Variants in TMEM79 observed in about 807,000 individuals in gnomAD.
TMEM79 encodes the protein mattrin.
In TMEM79, 30 loss-of-function variants were observed where a neutral mutation model predicts 31.2. That is an observed-to-expected ratio of 0.96 (90% confidence interval 0.72 to 1.30). TMEM79 has a LOEUF of 1.30. Among genes scored for constraint, TMEM79 ranks in the 50% most tolerant of loss-of-function variants. The pLI, the probability that TMEM79 is intolerant of heterozygous loss-of-function variation, is 0.00. For missense variants in TMEM79, 509 were observed against 528.2 expected, an observed-to-expected ratio of 0.96 and a Z score of 0.36; for synonymous variants, 213 against 229.5, an observed-to-expected ratio of 0.93 and a Z score of 0.65.
At chr1:156,288,479 T>G (rs1663230716) in intron 3 of TMEM79, among the ~76,000 whole-genome samples, 1 of 151,848 alleles carries the variant, frequency 6.6e-6, no homozygotes, top group African/African-American at 2.4e-5. Context: ...AGATTACAGG[T>G]GTGAGCCACC....
At position 156,285,579 on chromosome 1, in the gene TMEM79, C is replaced by A; in HGVS notation, c.353C>A (p.Ala118Asp). The change falls in exon 2 of 4, where the codon GCC (alanine) becomes GAC (aspartate). Residue 118 changes from alanine (A) to aspartate (D), a missense_variant. Transcript: ENST00000405535. ...TKLEELPEDD[A>D]NLLPEKAARA... Reference sequence around the variant, plus strand: ...CTAGAGGAGCTGCCCGAAGACGATGCCAACCTGCTGCCTGAGAAAGCGGCC... The same window carrying A: ...CTAGAGGAGCTGCCCGAAGACGATGACAACCTGCTGCCTGAGAAAGCGGCC... 1.2e-6 allele frequency: 2 copies of A among 1,614,244 alleles called. No homozygotes were observed. Among genetic ancestry groups the A allele is most frequent in the Non-Finnish European group, 1.7e-6 (2 of 1,180,050 alleles).
chr1:156,289,637 AC>A (rs1388598382), intron 3 of TMEM79, among the ~76,000 whole-genome samples: 3 of 152,190 alleles, frequency 2.0e-5, no homozygotes, highest in South Asian at 2.1e-4. Context: ...CAACAAAAAA[AC>A]AATCTGGTAC....
chr1:156,284,566 C>T (rs529370841), intron 1 of TMEM79, among the ~76,000 whole-genome samples, 160 bp downstream of exon 1: 1 of 152,244 alleles, frequency 6.6e-6, no homozygotes, highest in South Asian at 2.1e-4. Context: ...ACCTAAATAT[C>T]AGAATAGCAG....
chr1:156,291,606 C>T lies in TMEM79; in HGVS notation c.*8C>T, dbSNP rs758888119. 7 of 1,610,334 alleles carry T rather than the reference C, an allele frequency of 4.3e-6. No individual in the cohort carries two copies. The highest frequency in any genetic ancestry group is 4.0e-5 in the African/African-American group (3 of 74,994). On this transcript the variant is annotated 3_prime_UTR_variant, in exon 4 of 4. Transcript: ENST00000405535. Reference sequence around the variant, plus strand: ...CCCCGCCCCTGGGGCTGAGCCTCTCCGCCCTCGCCCTCGGAGTAGGGGGTA... The same window carrying T: ...CCCCGCCCCTGGGGCTGAGCCTCTCTGCCCTCGCCCTCGGAGTAGGGGGTA...
chr1:156,288,723 C>A (rs1663237030), intron 3 of TMEM79, among the ~76,000 whole-genome samples: 1 of 152,202 alleles, frequency 6.6e-6, no homozygotes, highest in Non-Finnish European at 1.5e-5. Flanking sequence ...GTCTTCCTGT[C>A]ACTTCTGATT....
chr1:156,284,031 T>C (rs1465189310), upstream of TMEM79, among the ~76,000 whole-genome samples: 3 of 152,216 alleles, frequency 2.0e-5, no homozygotes, highest in Admixed American at 6.5e-5. Context: ...GTGTACAAAT[T>C]CCATTTCTGG....
chr1:156,291,527 A>T lies in TMEM79; in HGVS notation c.1114A>T (p.Thr372Ser). 1 of 1,610,320 alleles carries T rather than the reference A, an allele frequency of 6.2e-7. No homozygotes were observed. The highest frequency in any genetic ancestry group is 1.6e-4 in the Middle Eastern group (1 of 6,062). ...VVEPERMLTA[T>S]ESRLDYPDHA... ...GGAGCCGGAGCGCATGCTCACTGCC[A>T]CCGAGAGCCGCCTGGACTACCCGGA... The change falls in exon 4 of 4, where the codon ACC becomes TCC. Residue 372 changes from threonine to serine, a missense_variant. By Grantham distance (58) the Thr-to-Ser change is moderately conservative (BLOSUM62 1). Transcript: ENST00000405535.
intron 3 of TMEM79, among the ~76,000 whole-genome samples, chr1:156,288,699 T>C (rs902900011): frequency 3.9e-5 from 6 of 152,206 alleles, no homozygotes; most frequent in Non-Finnish European, 8.8e-5. Context: ...ATTCTTCCTA[T>C]TGAGCTAAAA....
At chr1:156,289,134 C>T (rs894338580) in intron 3 of TMEM79, among the ~76,000 whole-genome samples, 4 of 152,096 alleles carry the variant, frequency 2.6e-5, no homozygotes, top group African/African-American at 7.2e-5. Context: ...AAAATGAGGT[C>T]GTTATGAGGA....
rs1431804172 is a variant in TMEM79, at chr1:156,285,458, T to C, written c.232T>C (p.Trp78Arg). The change falls in exon 2 of 4, where the codon TGG (tryptophan) becomes CGG (arginine). Residue 78 changes from tryptophan to arginine, a missense_variant. Coordinates refer to ENST00000405535, the MANE Select transcript of TMEM79 (RefSeq NM_032323.3). ...STVSEAATLP[W>R]GTGPQPSAPF... Reference sequence around the variant, plus strand: ...AGTAAGTGAGGCTGCCACCTTGCCCTGGGGGACTGGCCCTCAGCCCAGTGC... The same window carrying C: ...AGTAAGTGAGGCTGCCACCTTGCCCCGGGGGACTGGCCCTCAGCCCAGTGC... The C allele has an allele frequency of 5.0e-6, 8 of 1,613,880 alleles. No homozygotes were observed. The highest frequency in any genetic ancestry group is 2.2e-5 in the South Asian group (2 of 91,078).
rs1304097253 is a variant in TMEM79, at chr1:156,292,124, G to A, written c.*526G>A. 1 of 187,640 alleles carries A rather than the reference G, an allele frequency of 5.3e-6. No individual in the cohort carries two copies. The highest frequency in any genetic ancestry group is 2.3e-5 in the African/African-American group (1 of 42,834). 11.6% of individuals were successfully genotyped at this position (187,640 alleles called of 1,614,324 possible). ...TGTGGTGTTTGGTGAAAACCTTCCTGAGGATCTGGATTCAGGACCCTCCAT... is the reference window on the plus strand; with the variant it reads ...TGTGGTGTTTGGTGAAAACCTTCCTAAGGATCTGGATTCAGGACCCTCCAT... On this transcript the variant is annotated 3_prime_UTR_variant, in exon 4 of 4. Transcript: ENST00000405535.
chr1:156,287,719 C>T (rs1245905846), intron 3 of TMEM79, among the ~76,000 whole-genome samples: 1 of 150,204 alleles, frequency 6.7e-6, no homozygotes, highest in African/African-American at 2.5e-5. Context: ...TGGGTTCAAG[C>T]GATTCTCCTG....
In TMEM79 at chr1:156,285,608, G is replaced by A. The variant is rs747262051; in HGVS notation, c.382G>A (p.Ala128Thr). 1 of 1,614,218 alleles carries A rather than the reference G, an allele frequency of 6.2e-7. No homozygotes were observed. Among genetic ancestry groups the A allele is most frequent in the Non-Finnish European group, 8.5e-7 (1 of 1,180,040 alleles). Residue 128 changes from alanine to threonine, a missense_variant, in exon 2 of 4, where the codon GCC becomes ACC. Physicochemically the swap from Ala to Thr is moderately conservative, Grantham distance 58. Coordinates refer to ENST00000405535, the MANE Select transcript of TMEM79 (RefSeq NM_032323.3). The stretch of plus-strand genomic sequence containing the variant: ...CCTGCTGCCTGAGAAAGCGGCCCGT[G>A]CCTTCGTGCCTATTGACCTACAGTG... ...ANLLPEKAAR[A>T]FVPIDLQCIE...
intron 1 of TMEM79, among the ~76,000 whole-genome samples, 182 bp from the exon 2 acceptor site, chr1:156,285,002 T>G (rs189364553): frequency 6.6e-6 from 1 of 152,276 alleles, no homozygotes; most frequent in East Asian, 1.9e-4. Context: ...CCATTTCAGC[T>G]GCTCACTTCC....
Position 156,291,420 on chromosome 1 carries a change from C to T in TMEM79, c.1007C>T (p.Ser336Phe), listed in dbSNP as rs771594969. ...IYWLTFAVGRSFRGFGYGLTF... is the reference protein window; with the variant it reads ...IYWLTFAVGRFFRGFGYGLTF... ...TGGCTGACCTTTGCCGTGGGCCGCTCCTTCCGAGGCTTCGGCTACGGCCTG... is the reference window on the plus strand; with the variant it reads ...TGGCTGACCTTTGCCGTGGGCCGCTTCTTCCGAGGCTTCGGCTACGGCCTG... The change falls in exon 4 of 4, where the codon TCC becomes TTC. Residue 336 changes from serine to phenylalanine, a missense_variant. By Grantham distance (155) the Ser-to-Phe change is radical. Transcript: ENST00000405535. The T allele has an allele frequency of 1.9e-5, 30 of 1,613,994 alleles. No individual in the cohort carries two copies. In the South Asian group the frequency reaches 3.0e-4, roughly 16 times the overall value.
At chr1:156,286,210 G>T (rs769768162) in intron 2 of TMEM79, 50 bp from the exon 3 acceptor site, 1 of 1,579,216 alleles carries the variant, frequency 6.3e-7, no homozygotes, top group South Asian at 1.1e-5. Context: ...TGCCTCTTGT[G>T]CCCTTCCCCT....
chr1:156,290,852 T>C (rs991520772), intron 3 of TMEM79: 1 of 83,798 alleles, frequency 1.2e-5, no homozygotes. Context: ...TAATAATAAT[T>C]TAAAAAATCA....
At chr1:156,288,416 A>G (rs1322932301) in intron 3 of TMEM79, among the ~76,000 whole-genome samples, 1 of 151,392 alleles carries the variant, frequency 6.6e-6, no homozygotes, top group Non-Finnish European at 1.5e-5. Context: ...GCTCACTACA[A>G]CTTCTGTCTC....
rs1663367742 is a variant in TMEM79, at chr1:156,292,376, AG to A, written c.*779del. On this transcript the variant is annotated 3_prime_UTR_variant, in exon 4 of 4. Coordinates refer to ENST00000405535, the MANE Select transcript of TMEM79 (RefSeq NM_032323.3). ...ATGGTGCGGTGGTTGATGTTAACCT[AG>A]TGTGTGTGTGTGTGTGTGTGTGTGT... 7.0e-6 allele frequency: 1 copy of A among 142,378 alleles called. No homozygotes were observed. The highest frequency in any genetic ancestry group is 1.5e-5 in the Non-Finnish European group (1 of 65,478). 8.8% of individuals were successfully genotyped at this position (142,378 alleles called of 1,614,324 possible).
Sources: gnomAD v4.1 joint callset for allele counts (sites outside exome capture counted in the v4.1 genomes callset) on GRCh38, gnomAD v4.1.1 for gene constraint, MANE v1.5 for transcripts, NCBI Gene and HGNC (gene_info 2026-07-23, HGNC 2026-07-21) for gene names.